The following SGMS1 variants were observed in gnomAD, a reference collection of about 807,000 sequenced individuals.
The protein encoded by SGMS1 is phosphatidylcholine:ceramide cholinephosphotransferase 1.
SGMS1 carries 13 observed loss-of-function variants against 46.2 expected under a neutral mutation model. The ratio of observed to expected loss-of-function variants is 0.28; its 90% CI spans 0.18 to 0.45. The LOEUF is 0.45. Among genes scored for constraint, SGMS1 ranks in the 20% least tolerant of loss-of-function variants. The probability of loss-of-function intolerance (pLI) is 1.00; values close to 1 mark genes in which losing one functional copy is unlikely to be tolerated. For synonymous variants in SGMS1, 203 were observed against 187.8 expected (o/e 1.08, Z -0.66); for missense variants, 324 against 519.9 (o/e 0.62, Z 3.66).
chr10:50,429,724 CACACACACACACACACAT>C (rs1487867809), intron 6 of SGMS1, among the ~76,000 whole-genome samples: 10 of 16,792 alleles, frequency 6.0e-4, no homozygotes, highest in Admixed American at 1.0e-3. Context: ...CACACACACA[CACACACACACACACACAT>C]ACTCTTTTCT....
intron 5 of SGMS1, among the ~76,000 whole-genome samples, chr10:50,438,273 G>A (rs1849499817): frequency 6.6e-6 from 1 of 152,214 alleles, no homozygotes; most frequent in Non-Finnish European, 1.5e-5. Context: ...AAAAATGACA[G>A]GATGTATGTG....
intron 6 of SGMS1, among the ~76,000 whole-genome samples, chr10:50,384,102 C>T (rs1043542242): frequency 3.3e-5 from 5 of 152,128 alleles, no homozygotes; most frequent in Non-Finnish European, 5.9e-5. Flanking sequence ...ACTTTCTAGC[C>T]TCCAGAACTC....
intron 3 of SGMS1, among the ~76,000 whole-genome samples, chr10:50,506,128 A>T (rs1277830835): frequency 6.6e-6 from 1 of 152,142 alleles, no homozygotes; most frequent in Non-Finnish European, 1.5e-5. Context: ...ATTCCCCCAG[A>T]GTGAATTTTC....
chr10:50,312,146 G>A (rs140655298), intron 8 of SGMS1, among the ~76,000 whole-genome samples: 1 of 152,004 alleles, frequency 6.6e-6, no homozygotes, highest in African/African-American at 2.4e-5. Flanking sequence ...TTAAATTCTG[G>A]TTGTCTAATT....
At chr10:50,552,167 G>A (rs548026372) in intron 2 of SGMS1, among the ~76,000 whole-genome samples, 7 of 152,276 alleles carry the variant, frequency 4.6e-5, no homozygotes, top group African/African-American at 1.7e-4. Flanking sequence ...AGACAGGCAC[G>A]CAAGGCATAA....
chr10:50,617,821 C>CTTCA lies in SGMS1; in HGVS notation c.-684+5882_-684+5885dup, dbSNP rs201579356. ...TTCCTGGGCTCAAGCAATCCACCTG[C>CTTCA]TTCAGCCTCCCAAAATGCTGGGATT... On this transcript the variant is annotated intron_variant, in intron 1 of 10. Transcript: ENST00000361781. Among the ~76,000 whole-genome samples the CTTCA allele has an allele frequency of 6.9e-3, 1,052 of 151,776 alleles. 9 individuals are homozygous for CTTCA. Among genetic ancestry groups the CTTCA allele is most frequent in the African/African-American group, 0.023 (947 of 41,394 alleles).
intron 7 of SGMS1, chr10:50,334,402 C>A (rs182675493): frequency 6.6e-6 from 1 of 151,798 alleles, no homozygotes; most frequent in Non-Finnish European, 1.5e-5. Flanking sequence ...TGTGTGTGTG[C>A]GTATACACAC....
At position 50,307,904 on chromosome 10, in the gene SGMS1, G is replaced by A. The variant is rs1284253056; in HGVS notation, c.1062+78C>T. The A allele has an allele frequency of 9.0e-6, 13 of 1,437,820 alleles. No individual in the cohort carries two copies. The African/African-American group carries it at 1.4e-4, about 16-fold the overall frequency. 89.1% of individuals were successfully genotyped at this position (1,437,820 alleles called of 1,614,324 possible). ...GAAAGAGAAACTTCAGACATCCACA[G>A]GTTCTTTGCACCCTGTCCAAGCCAG... On this transcript the variant is annotated intron_variant, in intron 10 of 10. Transcript: ENST00000361781. The surrounding 1 kb of genome is among the most constrained non-coding windows in gnomAD (Gnocchi z 4.2).
rs1426351142 is a variant in SGMS1 at position 50,601,668 on chromosome 10, T to C, written c.-683-11421A>G. Among the ~76,000 whole-genome samples, 10 of 152,220 alleles carry C rather than the reference T, an allele frequency of 6.6e-5. No homozygotes were observed. In the East Asian group the frequency reaches 1.2e-3, roughly 18 times the overall value. On this transcript the variant is annotated intron_variant, in intron 1 of 10. Transcript: ENST00000361781. The stretch of plus-strand genomic sequence containing the variant: ...CATCAGCTCTTCTTCTAGCATGCTA[T>C]TGTGCTCCATTAAGTAAGGGCCTAA...
At chr10:50,555,291 C>G (rs895510962) in intron 2 of SGMS1, among the ~76,000 whole-genome samples, 1 of 152,200 alleles carries the variant, frequency 6.6e-6, no homozygotes, top group Non-Finnish European at 1.5e-5. Context: ...CCAAGTAACT[C>G]AATTAAAATA....
At chr10:50,624,093 C>A (rs1364705120), upstream of SGMS1, 7 of 985,182 alleles carry the variant, frequency 7.1e-6, no homozygotes, top group African/African-American at 1.7e-5. Context: ...CGGGACCGAG[C>A]GGGACCCCGA....
intron 6 of SGMS1, among the ~76,000 whole-genome samples, chr10:50,348,354 T>C (rs1300655449): frequency 6.6e-6 from 1 of 152,138 alleles, no homozygotes. Context: ...CGCATTCAAA[T>C]AGGAAGAGAG....
chr10:50,379,825 T>C (rs1263453108), intron 6 of SGMS1, among the ~76,000 whole-genome samples: 3 of 152,154 alleles, frequency 2.0e-5, no homozygotes, highest in African/African-American at 4.8e-5. Flanking sequence ...TGGGAACCCA[T>C]GTTGCTTGGG....
At chr10:50,467,930 T>C (rs1444381820) in intron 3 of SGMS1, among the ~76,000 whole-genome samples, 1 of 152,096 alleles carries the variant, frequency 6.6e-6, no homozygotes, top group Non-Finnish European at 1.5e-5. Flanking sequence ...CAGTTTATGA[T>C]AGAAACAGAA....
At chr10:50,624,875 GA>G (rs1838906124), upstream of SGMS1, 1 of 999,664 alleles carries the variant, frequency 1.0e-6, no homozygotes, top group African/African-American at 1.7e-5. Flanking sequence ...CGGGGTCGGG[GA>G]CTTGGCGAGC....
At chr10:50,514,707 C>T (rs1275404461) in intron 3 of SGMS1, among the ~76,000 whole-genome samples, 1 of 152,082 alleles carries the variant, frequency 6.6e-6, no homozygotes, top group African/African-American at 2.4e-5. Context: ...ATAGAGGGGT[C>T]CTAAAACCAA....
intron 5 of SGMS1, among the ~76,000 whole-genome samples, chr10:50,442,150 G>A (rs889091154): frequency 2.0e-5 from 3 of 150,398 alleles, no homozygotes; most frequent in African/African-American, 4.9e-5. Context: ...ACAAAAGGGC[G>A]TTCATTCAAT....
At position 50,539,131 on chromosome 10, in the gene SGMS1, C is replaced by T. The variant is rs564450335; in HGVS notation, c.-588-19210G>A. The stretch of plus-strand genomic sequence containing the variant: ...GCCCTGGTGAGCATGAAGGGCACTG[C>T]TGGCCTTCCCCTGCCGGGCTTCTCC... On this transcript the variant is annotated intron_variant, in intron 2 of 10. Transcript: ENST00000361781. Among the ~76,000 whole-genome samples, 3 of 152,348 alleles carry T rather than the reference C, an allele frequency of 2.0e-5. No homozygotes were observed. The South Asian group carries it at 6.2e-4, about 32-fold the overall frequency.
chr10:50,558,686 A>G (rs1408088814), intron 2 of SGMS1, among the ~76,000 whole-genome samples: 1 of 152,174 alleles, frequency 6.6e-6, no homozygotes, highest in African/African-American at 2.4e-5. Flanking sequence ...CAACCCTGAG[A>G]CAGCAAACTT....
Sources: allele counts gnomAD v4.1 joint callset (sites outside exome capture counted in the v4.1 genomes callset), GRCh38; gene constraint gnomAD v4.1.1; non-coding constraint Gnocchi (gnomAD v3.1); transcripts MANE v1.5; gene names NCBI Gene and HGNC (gene_info 2026-07-23, HGNC 2026-07-21).